Variants in MMD observed in about 807,000 individuals in gnomAD.
MMD encodes monocyte to macrophage differentiation factor.
Under a neutral mutation model 33.6 loss-of-function variants are expected in MMD, and 22 were observed. That is an observed-to-expected ratio of 0.66 (90% confidence interval 0.47 to 0.94). The LOEUF (loss-of-function observed/expected upper bound fraction) is 0.94. Among genes scored for constraint, MMD ranks in the 40% least tolerant of loss-of-function variants. The probability of loss-of-function intolerance (pLI) is 0.00; values close to 1 mark genes in which losing one functional copy is unlikely to be tolerated. For missense variants in MMD, 242 were observed against 309.8 expected, an observed-to-expected ratio of 0.78 and a Z score of 1.64; for synonymous variants, 97 against 103.2, an observed-to-expected ratio of 0.94 and a Z score of 0.36.
In MMD at chr17:55,393,119, T is replaced by A. The variant is rs1906978746; in HGVS notation, c.*1215A>T. 1 of 152,114 alleles carries A rather than the reference T, an allele frequency of 6.6e-6. No individual in the cohort carries two copies. The highest frequency in any genetic ancestry group is 6.5e-5 in the Admixed American group (1 of 15,274). The allele number at this position is 152,114 out of a possible 1,614,324, so 9.4% of individuals were successfully genotyped here. On this transcript the variant is annotated 3_prime_UTR_variant, in exon 7 of 7. Coordinates refer to ENST00000262065, the MANE Select transcript of MMD (RefSeq NM_012329.3). ...AAAGCAACTATTAACAACATGTTAA[T>A]CTTAATATAAGACACTGAGAGAAAA...
rs143737172 is a variant in MMD, at chr17:55,406,671, G to A, written c.344+1075C>T. Among the ~76,000 whole-genome samples, 755 of 151,620 alleles carry A rather than the reference G, an allele frequency of 5.0e-3. 6 individuals carry two copies. Among genetic ancestry groups the A allele is most frequent in the Non-Finnish European group, 5.7e-3 (389 of 67,858 alleles). Reference sequence around the variant, plus strand: ...AGAGGCGGGCAGATCACTTGGGGTCGGAGTTCGATACCAACCTGGTATCGA... The same window carrying A: ...AGAGGCGGGCAGATCACTTGGGGTCAGAGTTCGATACCAACCTGGTATCGA... On this transcript the variant is annotated intron_variant, in intron 4 of 6. Coordinates refer to ENST00000262065, the MANE Select transcript of MMD (RefSeq NM_012329.3).
rs1019094918 is a variant in MMD at position 55,403,781 on chromosome 17, A to G, written c.432T>C (p.Phe144=). 1 of 1,611,298 alleles carries G rather than the reference A, an allele frequency of 6.2e-7. No individual in the cohort carries two copies. The highest frequency in any genetic ancestry group is 1.1e-5 in the South Asian group (1 of 90,340). The part of the protein sequence containing the change: ...LMAAGGTIYV[F]LYHEKYKVVE... The stretch of plus-strand genomic sequence containing the variant: ...TTTTCTCTTACTTTTCATGGTAGAG[A>G]AATACATAAATGGTTCCTCCAGCTG... The change falls in exon 5 of 7, where the codon TTT becomes TTC. Residue 144 remains phenylalanine (F), a synonymous_variant. Coordinates refer to ENST00000262065, the MANE Select transcript of MMD (RefSeq NM_012329.3).
intron 6 of MMD, among the ~76,000 whole-genome samples, chr17:55,398,910 G>A (rs1907224145): frequency 6.6e-6 from 1 of 152,206 alleles, no homozygotes; most frequent in African/African-American, 2.4e-5. Context: ...CCTTCTAAGA[G>A]TTATTTGCAA....
chr17:55,412,082 A>G (rs997392121), intron 2 of MMD, among the ~76,000 whole-genome samples: 7 of 152,208 alleles, frequency 4.6e-5, no homozygotes, highest in Admixed American at 3.9e-4. Context: ...ATTTCAAAAA[A>G]CAGCCAAGCA....
intron 6 of MMD, among the ~76,000 whole-genome samples, chr17:55,399,246 CA>C (rs35570429): frequency 0.45 from 67,998 of 151,862 alleles, 15,968 homozygotes; most frequent in African/African-American, 0.56. Flanking sequence ...GGTTCAGAGC[CA>C]AAAAAACAGT....
At chr17:55,414,610 G>GA (rs138533495) in intron 1 of MMD, among the ~76,000 whole-genome samples, 159 of 124,904 alleles carry the variant, frequency 1.3e-3, no homozygotes, top group African/African-American at 3.3e-3. Context: ...GGTACAACTA[G>GA]AAAAAAAAAA....
chr17:55,418,935 A>G (rs184449866), intron 1 of MMD, among the ~76,000 whole-genome samples: 3 of 152,308 alleles, frequency 2.0e-5, no homozygotes, highest in Admixed American at 1.3e-4. Flanking sequence ...ACAAGAAGAT[A>G]CAGTAGAGCT....
chr17:55,396,761 C>T lies in MMD; in HGVS notation c.517-2227G>A, dbSNP rs556145617. On this transcript the variant is annotated intron_variant, in intron 6 of 6. Transcript: ENST00000262065. Reference sequence around the variant, plus strand: ...CCTCCCAAGTAGATGGGATTACAGGCGTGTGCCACCACACCTGGCTAATTT... The same window carrying T: ...CCTCCCAAGTAGATGGGATTACAGGTGTGTGCCACCACACCTGGCTAATTT... Among the ~76,000 whole-genome samples, 618 of 151,884 alleles carry T rather than the reference C, an allele frequency of 4.1e-3. 5 individuals are homozygous for T. The highest frequency in any genetic ancestry group is 0.014 in the African/African-American group (598 of 41,416).
chr17:55,394,687 A>C (rs1907036249), intron 6 of MMD, among the ~76,000 whole-genome samples, 153 bp from the exon 7 acceptor site: 1 of 152,246 alleles, frequency 6.6e-6, no homozygotes, highest in South Asian at 2.1e-4. Flanking sequence ...ACCAAACATA[A>C]AAAAAGTCTC....
chr17:55,414,582 AC>A (rs1907897918), intron 1 of MMD, among the ~76,000 whole-genome samples: 1 of 151,186 alleles, frequency 6.6e-6, no homozygotes, highest in Non-Finnish European at 1.5e-5. Context: ...ACACACACAC[AC>A]ACACACACAC....
chr17:55,414,211 T>C lies in MMD; in HGVS notation c.48A>G (p.Pro16=), dbSNP rs773110275. The C allele has an allele frequency of 7.4e-6, 12 of 1,613,778 alleles. No homozygotes were observed. Among genetic ancestry groups the C allele is most frequent in the Non-Finnish European group, 1.0e-5 (12 of 1,179,822 alleles). ...AAGTTGGCTTGTAGCGGCCATTGGC[T>C]GGAGCTCGATGGTTCATGAACCTGT... ...RFQRFMNHRA[P]ANGRYKPTCY... is the part of the protein sequence containing the mutation. The change falls in exon 2 of 7, where the codon CCA becomes CCG. Residue 16 remains proline, a synonymous_variant. Coordinates refer to ENST00000262065, the MANE Select transcript of MMD (RefSeq NM_012329.3).
At chr17:55,403,156 TG>T (rs1467546096) in intron 5 of MMD, among the ~76,000 whole-genome samples, 2 of 152,224 alleles carry the variant, frequency 1.3e-5, no homozygotes, top group Non-Finnish European at 2.9e-5. Flanking sequence ...TTTTTAATCA[TG>T]AAGTTGGAAT....
At chr17:55,402,544 C>T (rs1907388578) in intron 5 of MMD, among the ~76,000 whole-genome samples, 1 of 152,204 alleles carries the variant, frequency 6.6e-6, no homozygotes, top group Admixed American at 6.5e-5. Context: ...AATTTAGGTA[C>T]TCCCTAATGT....
chr17:55,410,360 C>T (rs1335998571), intron 3 of MMD, among the ~76,000 whole-genome samples: 1 of 152,114 alleles, frequency 6.6e-6, no homozygotes, highest in African/African-American at 2.4e-5. Context: ...TCTTTAAAAC[C>T]AAAAGGCATA....
intron 1 of MMD, among the ~76,000 whole-genome samples, chr17:55,421,270 C>T (rs1408432026): frequency 1.3e-5 from 2 of 152,230 alleles, no homozygotes; most frequent in Non-Finnish European, 2.9e-5. Context: ...GGATGGAGGC[C>T]AAAGCCAGGT....
chr17:55,419,843 C>T (rs28390137), intron 1 of MMD, among the ~76,000 whole-genome samples: 10,822 of 152,108 alleles, frequency 0.071, 610 homozygotes, highest in East Asian at 0.2. Context: ...AACACACAAG[C>T]CCCCAAGAAA....
Position 55,421,767 on chromosome 17 carries a change from A to C in MMD, c.-72T>G. ...ACCGGCGGCCGGGCGCGCGGCCCTCATGGGCTTGGGCTGCTCCGGAGGCCG... is the reference window on the plus strand; with the variant it reads ...ACCGGCGGCCGGGCGCGCGGCCCTCCTGGGCTTGGGCTGCTCCGGAGGCCG... On this transcript the variant is annotated 5_prime_UTR_variant, in exon 1 of 7. It removes an upstream start codon present in the reference 5' UTR. Coordinates refer to ENST00000262065, the MANE Select transcript of MMD (RefSeq NM_012329.3). 6.5e-7 allele frequency: 1 copy of C among 1,534,644 alleles called. No homozygotes were observed. Among genetic ancestry groups the C allele is most frequent in the Non-Finnish European group, 8.8e-7 (1 of 1,142,008 alleles).
intron 5 of MMD, among the ~76,000 whole-genome samples, chr17:55,401,872 G>A (rs912577821): frequency 1.3e-5 from 2 of 152,054 alleles, no homozygotes; most frequent in Non-Finnish European, 2.9e-5. Context: ...AGGAGATCGA[G>A]ACCATCCTGA....
chr17:55,402,117 AAAAG>A (rs1907365468), intron 5 of MMD, among the ~76,000 whole-genome samples: 1 of 151,920 alleles, frequency 6.6e-6, no homozygotes, highest in Non-Finnish European at 1.5e-5. Context: ...AAAGAAAAAA[AAAAG>A]AAAATGTTTT....
Sources: allele counts gnomAD v4.1 joint callset (sites outside exome capture counted in the v4.1 genomes callset), GRCh38; gene constraint gnomAD v4.1.1; transcripts MANE v1.5; gene names NCBI Gene and HGNC (gene_info 2026-07-23, HGNC 2026-07-21).